SPTSSA: variants seen among roughly 807,000 people sequenced by gnomAD.
SPTSSA encodes the protein serine palmitoyltransferase small subunit A.
In SPTSSA, 8 loss-of-function variants were observed where a neutral mutation model predicts 9.1. The ratio of observed to expected loss-of-function variants is 0.88; its 90% CI spans 0.51 to 1.58. The LOEUF is 1.58. Ranked by LOEUF, SPTSSA falls within the 40% of genes most tolerant of loss-of-function variation. The pLI is 0.00. For missense variants in SPTSSA, 100 were observed against 93.8 expected, an observed-to-expected ratio of 1.07 and a Z score of -0.27; for synonymous variants, 42 against 37.7, an observed-to-expected ratio of 1.11 and a Z score of -0.41.
rs757625505 is a variant in SPTSSA at position 34,434,307 on chromosome 14, TAAC to T, written c.*891_*893del. 34 of 152,656 alleles carry T rather than the reference TAAC, an allele frequency of 2.2e-4. No homozygotes were observed. Among genetic ancestry groups the T allele is most frequent in the Non-Finnish European group, 3.8e-4 (26 of 68,038 alleles). 9.5% of individuals were successfully genotyped at this position (152,656 alleles called of 1,614,324 possible). A position where few individuals can be genotyped will look rare whatever the true frequency, so the allele number is the denominator to read the frequency against. On this transcript the variant is annotated 3_prime_UTR_variant, in exon 2 of 2. Coordinates refer to ENST00000298130, the MANE Select transcript of SPTSSA (RefSeq NM_138288.4). ...TTACATTTCTTTTTGCTATAATTTT[TAAC>T]AACAATTCGTCTCATCATAACTTAA...
In SPTSSA at chr14:34,447,217, C is replaced by T. The variant is rs187238278; in HGVS notation, c.113-11913G>A. 2.4e-3 allele frequency among the ~76,000 whole-genome samples: 309 copies of T among 131,434 alleles called. 1 individual carries two copies. Among genetic ancestry groups the T allele is most frequent in the African/African-American group, 9.0e-3 (290 of 32,108 alleles). 86.2% of individuals were successfully genotyped at this position (131,434 alleles called of 152,430 possible). On this transcript the variant is annotated intron_variant, in intron 1 of 1. Transcript: ENST00000298130. ...CCAGTCTAGGTGACAGAGCGAGACT[C>T]CATCTCTTAAAAAAAAAAAAAAAAA...
chr14:34,442,780 T>A (rs1425367275), intron 1 of SPTSSA, among the ~76,000 whole-genome samples: 1 of 152,210 alleles, frequency 6.6e-6, no homozygotes, highest in African/African-American at 2.4e-5. Flanking sequence ...TGGGGAGGTT[T>A]GGCCTTTAAA....
At chr14:34,454,096 C>G (rs1332892845) in intron 1 of SPTSSA, among the ~76,000 whole-genome samples, 3 of 152,148 alleles carry the variant, frequency 2.0e-5, no homozygotes, top group Non-Finnish European at 2.9e-5. Flanking sequence ...GGGAAGATCA[C>G]TTAAGCCCAG....
chr14:34,459,420 CCA>C (rs1473772785), intron 1 of SPTSSA, among the ~76,000 whole-genome samples: 1 of 145,926 alleles, frequency 6.9e-6, no homozygotes, highest in Non-Finnish European at 1.5e-5. Context: ...GATTGCACCA[CCA>C]CACTCCAGCC....
intron 1 of SPTSSA, among the ~76,000 whole-genome samples, chr14:34,451,092 G>C (rs1156963909): frequency 3.4e-5 from 5 of 146,536 alleles, no homozygotes; most frequent in Non-Finnish European, 7.5e-5. Context: ...ATAATAAAGA[G>C]AGGAAATGCT....
rs546904433 is a variant in SPTSSA at position 34,449,726 on chromosome 14, C to T, written c.112+12370G>A. 3.4e-5 allele frequency among the ~76,000 whole-genome samples: 5 copies of T among 147,022 alleles called. No individual in the cohort carries two copies. In the South Asian group the frequency reaches 1.1e-3, roughly 32 times the overall value. On this transcript the variant is annotated intron_variant, in intron 1 of 1. Transcript: ENST00000298130. ...CCATGTTGGCCAGGCTGGTCTCGAA[C>T]TCCTGGCCTCAGGTGATCCGCCCAC...
At chr14:34,438,992 T>G (rs1191817410) in intron 1 of SPTSSA, among the ~76,000 whole-genome samples, 4 of 152,182 alleles carry the variant, frequency 2.6e-5, no homozygotes, top group African/African-American at 9.7e-5. Context: ...AGATAGGGAC[T>G]GAAGGATTGA....
At position 34,459,713 on chromosome 14, in the gene SPTSSA, G is replaced by A. The variant is rs577620107; in HGVS notation, c.112+2383C>T. Among the ~76,000 whole-genome samples, 176 of 151,880 alleles carry A rather than the reference G, an allele frequency of 1.2e-3. 1 individual carries two copies. The South Asian group carries it at 0.024, about 20-fold the overall frequency. ...GGAGAATCGCTTGAACCTGGGAGGC[G>A]GAGGTTGCAGTGAGCCAAGATGGCG... On this transcript the variant is annotated intron_variant, in intron 1 of 1. Coordinates refer to ENST00000298130, the MANE Select transcript of SPTSSA (RefSeq NM_138288.4).
chr14:34,449,503 CT>C (rs35238717), intron 1 of SPTSSA, among the ~76,000 whole-genome samples: 8,915 of 123,652 alleles, frequency 0.072, 421 homozygotes, highest in African/African-American at 0.17. Context: ...CCCGGCCTCC[CT>C]TTTTTTTTTT....
chr14:34,449,535 G>C (rs1354925134), intron 1 of SPTSSA, among the ~76,000 whole-genome samples: 1 of 102,630 alleles, frequency 9.7e-6, no homozygotes, highest in Admixed American at 1.3e-4. Flanking sequence ...ACAATTTCTT[G>C]CTCTGTATCC....
At chr14:34,439,316 C>T (rs368078694) in intron 1 of SPTSSA, among the ~76,000 whole-genome samples, 13 of 151,960 alleles carry the variant, frequency 8.6e-5, no homozygotes, top group Admixed American at 1.3e-4. Flanking sequence ...CCAACACTCA[C>T]GGAGGCTTGG....
At chr14:34,438,748 T>C (rs1200274731) in intron 1 of SPTSSA, among the ~76,000 whole-genome samples, 2 of 152,150 alleles carry the variant, frequency 1.3e-5, no homozygotes, top group African/African-American at 2.4e-5. Context: ...CTCTTGTATC[T>C]CACCTCCCCA....
chr14:34,458,663 A>ATT (rs35426259), intron 1 of SPTSSA, among the ~76,000 whole-genome samples: 7,282 of 89,440 alleles, frequency 0.081, 481 homozygotes, highest in East Asian at 0.23. Context: ...CACTCAGCTA[A>ATT]TTTTTTTTTT....
At chr14:34,444,706 C>A (rs1225541691) in intron 1 of SPTSSA, among the ~76,000 whole-genome samples, 2 of 150,804 alleles carry the variant, frequency 1.3e-5, no homozygotes, top group African/African-American at 4.9e-5. Flanking sequence ...GAGTCGAGAT[C>A]GCACCATTGT....
chr14:34,461,087 GAAGT>G (rs1253849894), intron 1 of SPTSSA, among the ~76,000 whole-genome samples: 1 of 152,202 alleles, frequency 6.6e-6, no homozygotes, highest in Non-Finnish European at 1.5e-5. Context: ...AAGTTATTCT[GAAGT>G]AAGCTACTCC....
chr14:34,446,668 A>G (rs569799883), intron 1 of SPTSSA, among the ~76,000 whole-genome samples: 7 of 152,244 alleles, frequency 4.6e-5, no homozygotes, highest in Non-Finnish European at 8.8e-5. Flanking sequence ...CTAGAAGGGC[A>G]TCAGTTATTT....
chr14:34,455,945 C>T (rs1341380237), intron 1 of SPTSSA, among the ~76,000 whole-genome samples: 1 of 147,740 alleles, frequency 6.8e-6, no homozygotes, highest in Non-Finnish European at 1.5e-5. Context: ...AAAAAAAAGT[C>T]CTTTTTAATT....
chr14:34,444,624 C>T (rs946674665), intron 1 of SPTSSA, among the ~76,000 whole-genome samples: 6 of 151,934 alleles, frequency 3.9e-5, no homozygotes, highest in Non-Finnish European at 7.4e-5. Flanking sequence ...TGGTGGCAGG[C>T]ACCTGTAACC....
At chr14:34,459,712 C>A (rs1344744869) in intron 1 of SPTSSA, among the ~76,000 whole-genome samples, 1 of 151,772 alleles carries the variant, frequency 6.6e-6, no homozygotes, top group African/African-American at 2.4e-5. Context: ...ACCTGGGAGG[C>A]GGAGGTTGCA....
Sources: allele counts gnomAD v4.1 joint callset (sites outside exome capture counted in the v4.1 genomes callset), GRCh38; gene constraint gnomAD v4.1.1; transcripts MANE v1.5; gene names NCBI Gene and HGNC (gene_info 2026-07-23, HGNC 2026-07-21).